Variants in MYO1C observed in about 807,000 individuals in gnomAD.
MYO1C encodes the protein unconventional myosin-Ic.
In MYO1C, 104 loss-of-function variants were observed where a neutral mutation model predicts 150.8. The observed-to-expected ratio is 0.69, with a 90% CI of 0.59 to 0.81. MYO1C has a LOEUF of 0.81. MYO1C is among the 30% of genes least tolerant of loss of function. The pLI is 0.00. For missense variants in MYO1C, 1,504 were observed against 1,435.0 expected, an observed-to-expected ratio of 1.05 and a Z score of -0.78; for synonymous variants, 663 against 579.9, an observed-to-expected ratio of 1.14 and a Z score of -2.06.
intron 1 of MYO1C, chr17:1,485,800 C>CCCTCCCCCCGCA: frequency 3.1e-6 from 2 of 644,150 alleles, no homozygotes; most frequent in Non-Finnish European, 3.9e-6. Context: ...CGAGGGAGGG[C>CCCTCCCCCCGCA]CCGCCCCCCG....
At chr17:1,487,654 A>T (rs60869999) in intron 1 of MYO1C, among the ~76,000 whole-genome samples, 42,503 of 152,130 alleles carry the variant, frequency 0.28, 6,599 homozygotes, top group South Asian at 0.38. Context: ...GCGGTGGCTC[A>T]CGCCTGTAAT....
In MYO1C at chr17:1,471,125, G is replaced by A; in HGVS notation, c.2158C>T (p.Pro720Ser). ...MGRTKIFIRFPKTLFATEDAL... is the reference protein window; with the variant it reads ...MGRTKIFIRFSKTLFATEDAL... The stretch of plus-strand genomic sequence containing the variant: ...TCCTCTGTGGCAAACAGGGTCTTGG[G>A]GAAGCGGATGAAGATCTTGGTCCTG... Residue 720 changes from proline (P) to serine (S), a missense_variant, in exon 21 of 32, where the codon CCC becomes TCC. Pro to Ser is a moderately conservative substitution (Grantham distance 74). Transcript: ENST00000648651. The A allele has an allele frequency of 6.2e-7, 1 of 1,614,150 alleles. No individual in the cohort carries two copies. The highest frequency in any genetic ancestry group is 8.5e-7 in the Non-Finnish European group (1 of 1,179,998).
At chr17:1,489,733 T>TG (rs1397205083) in intron 1 of MYO1C, among the ~76,000 whole-genome samples, 4 of 145,912 alleles carry the variant, frequency 2.7e-5, no homozygotes, top group Non-Finnish European at 6.0e-5. Context: ...TAAATTTGTA[T>TG]GGGGGAAAAA....
chr17:1,484,374 T>C (rs2074606617), intron 1 of MYO1C, 71 bp from the exon 2 acceptor site: 3 of 1,574,030 alleles, frequency 1.9e-6, no homozygotes, highest in South Asian at 2.2e-5. Flanking sequence ...CCTGCGCCTG[T>C]GGGACTGAGA....
intron 1 of MYO1C, chr17:1,485,768 G>C: frequency 2.0e-6 from 2 of 1,016,238 alleles, no homozygotes; most frequent in Non-Finnish European, 2.4e-6. Flanking sequence ...CCCGGGCTCG[G>C]CGGCGGTGGC....
chr17:1,466,594 C>G (rs567421587), intron 31 of MYO1C, among the ~76,000 whole-genome samples: 18 of 150,408 alleles, frequency 1.2e-4, no homozygotes, highest in African/African-American at 4.2e-4. Flanking sequence ...TCCCAAAGTG[C>G]TGGGATTACA....
rs1418157738 is a variant in MYO1C, at chr17:1,474,965, C to CA, written c.1641dup (p.Ala548CysfsTer17). The CA allele has an allele frequency of 6.3e-7, 1 of 1,576,722 alleles. No homozygotes were observed. The highest frequency in any genetic ancestry group is 1.4e-5 in the African/African-American group (1 of 73,908). ...GTCACGCTGTAGGTCACCTCCCCCG[C>CA]ATAGTGCAGAAGGCGGAATTCCCCT... On this transcript the variant is annotated frameshift_variant, in exon 15 of 32. Coordinates refer to ENST00000648651, the MANE Select transcript of MYO1C (RefSeq NM_001080779.2). LOFTEE classifies it high-confidence loss of function.
chr17:1,468,457 T>G lies in MYO1C; in HGVS notation c.2650A>C (p.Lys884Gln), dbSNP rs771521875. ...KAVASEIFKG[K>Q]KDNYPQSVPR... ...ACACTCTGAGGGTAATTATCCTTCTTGCCCTTGAAGATCTCACTAGCCACG... is the reference window on the plus strand; with the variant it reads ...ACACTCTGAGGGTAATTATCCTTCTGGCCCTTGAAGATCTCACTAGCCACG... The change falls in exon 26 of 32, where the codon AAG becomes CAG. Residue 884 changes from lysine to glutamine, a missense_variant. Transcript: ENST00000648651. 6 of 1,613,742 alleles carry G rather than the reference T, an allele frequency of 3.7e-6. No individual in the cohort carries two copies. The Admixed American group carries it at 8.3e-5, about 22-fold the overall frequency.
Position 1,475,741 on chromosome 17 carries a change from C to A in MYO1C, c.1575-709G>T, listed in dbSNP as rs2074392101. Reference sequence around the variant, plus strand: ...ACTATTTCAAGCAGCTAACCAGAGACACGGACAAAGATTGAAGGCACGGAG... The same window carrying A: ...ACTATTTCAAGCAGCTAACCAGAGAAACGGACAAAGATTGAAGGCACGGAG... On this transcript the variant is annotated intron_variant, in intron 14 of 31. Transcript: ENST00000648651. Among the ~76,000 whole-genome samples, 4 of 152,198 alleles carry A rather than the reference C, an allele frequency of 2.6e-5. No individual in the cohort carries two copies. The South Asian group carries it at 8.3e-4, about 32-fold the overall frequency.
intron 24 of MYO1C, among the ~76,000 whole-genome samples, 195 bp from the exon 25 acceptor site, chr17:1,469,809 T>C (rs2074260878): frequency 6.7e-6 from 1 of 149,992 alleles, no homozygotes. Flanking sequence ...CCAAGGTGGG[T>C]GGATCACCCG....
Position 1,469,492 on chromosome 17 carries a change from C to G in MYO1C, c.2610+39G>C, listed in dbSNP as rs369460146. ...TTGAGCAATGCTTGCGACTCCCTGA[C>G]TCCACTTCCTCATCCTCACCCAGCC... On this transcript the variant is annotated intron_variant, in intron 25 of 31. Coordinates refer to ENST00000648651, the MANE Select transcript of MYO1C (RefSeq NM_001080779.2). The G allele has an allele frequency of 1.1e-5, 16 of 1,494,600 alleles. No individual in the cohort carries two copies. The South Asian group carries it at 1.9e-4, about 18-fold the overall frequency. 92.6% of individuals were successfully genotyped at this position (1,494,600 alleles called of 1,614,324 possible). A position where few individuals can be genotyped will look rare whatever the true frequency, so the allele number is the denominator to read the frequency against.
Position 1,467,523 on chromosome 17 carries a change from G to A in MYO1C, c.3022C>T (p.Leu1008Phe), listed in dbSNP as rs2074200004. ...ATGCTGTTCACGCGGTTGGCACTGA[G>A]GGCTGTCTTGGTCAGCGTCTCAATC... ...HVIETLTKTA[L>F]SANRVNSINI... The change falls in exon 30 of 32, where the codon CTC (leucine) becomes TTC (phenylalanine). Residue 1008 changes from leucine (L) to phenylalanine (F), a missense_variant. By Grantham distance (22) the Leu-to-Phe change is conservative (BLOSUM62 0). Transcript: ENST00000648651. 6.2e-7 allele frequency: 1 copy of A among 1,613,580 alleles called. No individual in the cohort carries two copies. The highest frequency in any genetic ancestry group is 8.5e-7 in the Non-Finnish European group (1 of 1,179,932).
At chr17:1,483,148 T>G in intron 3 of MYO1C, 89 bp from the exon 4 acceptor site, 1 of 1,328,688 alleles carries the variant, frequency 7.5e-7, no homozygotes, top group Non-Finnish European at 1.0e-6. Context: ...TGGAGTCCTC[T>G]TGTGGGAGTC....
At position 1,471,276 on chromosome 17, in the gene MYO1C, C is replaced by T. The variant is rs2074297322; in HGVS notation, c.2082G>A (p.Val694=). Residue 694 remains valine (V), a synonymous_variant, in exon 20 of 32, where the codon GTG becomes GTA. Transcript: ENST00000648651. ...PTWAGRPQDG[V]AVLVRHLGYK... ...AGCCCAGGTGTCGGACCAGCACAGC[C>T]ACCCCATCCTGCGGCCGTCCTGCCC... 1 of 1,614,002 alleles carries T rather than the reference C, an allele frequency of 6.2e-7. No individual in the cohort carries two copies. The highest frequency in any genetic ancestry group is 8.5e-7 in the Non-Finnish European group (1 of 1,180,004).
In MYO1C at chr17:1,469,621, G is replaced by A. The variant is rs1362367684; in HGVS notation, c.2527-7C>T. On this transcript the variant is annotated splice_region_variant and splice_polypyrimidine_tract_variant and intron_variant, in intron 24 of 31. Transcript: ENST00000648651. Reference sequence around the variant, plus strand: ...CCCGCAGAAGCTCTGAGGCCTAAGGGGAGGAGTGAGGTCAGAGGTCCTGGA... The same window carrying A: ...CCCGCAGAAGCTCTGAGGCCTAAGGAGAGGAGTGAGGTCAGAGGTCCTGGA... The A allele has an allele frequency of 1.2e-6, 2 of 1,605,230 alleles. No individual in the cohort carries two copies. Among genetic ancestry groups the A allele is most frequent in the African/African-American group, 1.3e-5 (1 of 74,762 alleles).
chr17:1,485,310 C>G (rs2074628980), intron 1 of MYO1C: 5 of 1,101,310 alleles, frequency 4.5e-6, no homozygotes, highest in Non-Finnish European at 5.6e-6. Flanking sequence ...GGGGGTGGAT[C>G]CCAAAGGGGC....
chr17:1,480,938 C>T, intron 5 of MYO1C, 53 bp from the exon 6 acceptor site: 2 of 1,590,980 alleles, frequency 1.3e-6, no homozygotes, highest in Non-Finnish European at 1.7e-6. Flanking sequence ...GAAAAGAGCC[C>T]ACCTGCCCCT....
At chr17:1,470,913 C>CG in intron 21 of MYO1C, 158 bp downstream of exon 21, 1 of 953,394 alleles carries the variant, frequency 1.0e-6, no homozygotes, top group Non-Finnish European at 1.6e-6. Context: ...GGCTCCAAGT[C>CG]GGCCATTGGA....
chr17:1,471,782 C>T (rs1046474617), intron 19 of MYO1C, 125 bp downstream of exon 19: 5 of 1,026,992 alleles, frequency 4.9e-6, no homozygotes, highest in Non-Finnish European at 7.5e-6. Context: ...CCACCAAGGG[C>T]AGCCCAGGGC....
Sources: gnomAD v4.1 joint callset for allele counts (sites outside exome capture counted in the v4.1 genomes callset) on GRCh38, gnomAD v4.1.1 for gene constraint, MANE v1.5 for transcripts, NCBI Gene and HGNC (gene_info 2026-07-23, HGNC 2026-07-21) for gene names.